CA5B: variants seen among roughly 807,000 people sequenced by gnomAD.
CA5B encodes carbonic anhydrase 5B, mitochondrial.
A neutral mutation model predicts 23.1 loss-of-function variants in CA5B; 15 were observed. The ratio of observed to expected loss-of-function variants is 0.65; its 90% CI spans 0.43 to 1.00. CA5B has a LOEUF of 1.00. Among genes scored for constraint, CA5B ranks in the 50% least tolerant of loss-of-function variants. CA5B has a pLI of 0.00. For synonymous variants in CA5B, 84 were observed against 98.5 expected (o/e 0.85, Z 0.87); for missense variants, 236 against 252.2 (o/e 0.94, Z 0.43).
intron 2 of CA5B, among the ~76,000 whole-genome samples, chrX:15,760,312 T>A (rs757887924): frequency 9.0e-6 from 1 of 110,886 alleles, no homozygotes; most frequent in Non-Finnish European, 1.9e-5. Context: ...AACAAACCCT[T>A]GGCAAAAAAT....
chrX:15,751,223 T>G (rs1418900661), intron 2 of CA5B, among the ~76,000 whole-genome samples: 2 of 112,447 alleles, frequency 1.8e-5, no homozygotes, highest in Non-Finnish European at 3.8e-5. Flanking sequence ...TCCCCTTTAG[T>G]GTTTATTTTC....
rs1375026024 is a variant in CA5B, at chrX:15,774,236, G to A, written c.460-66G>A. 2.8e-4 allele frequency: 302 copies of A among 1,075,346 alleles called. 2 individuals are homozygous for A. Among genetic ancestry groups the A allele is most frequent in the Non-Finnish European group, 2.0e-5 (16 of 798,731 alleles). The allele number at this position is 1,075,346 out of a possible 1,213,427, so 88.6% of individuals were successfully genotyped here. A position where few individuals can be genotyped will look rare whatever the true frequency, so the allele number is the denominator to read the frequency against. ...GTTTAAATGTCATAGGTTGACTGAG[G>A]CTGTGGGTTTATTCTGGAGAGATTC... On this transcript the variant is annotated intron_variant, in intron 4 of 7. Transcript: ENST00000318636.
chrX:15,768,798 A>T (rs1222645486), intron 3 of CA5B: 2 of 112,436 alleles, frequency 1.8e-5, no homozygotes, highest in African/African-American at 6.5e-5. Context: ...GCAAGAAACA[A>T]TTCTAGAAAA....
intron 3 of CA5B, among the ~76,000 whole-genome samples, chrX:15,772,081 T>C (rs1276859577): frequency 8.9e-6 from 1 of 112,143 alleles, no homozygotes; most frequent in East Asian, 2.8e-4. Context: ...AAAGCAACAC[T>C]AGTATCTTCA....
At chrX:15,745,182 A>AG (rs1931202821) in intron 1 of CA5B, among the ~76,000 whole-genome samples, 5 of 103,328 alleles carry the variant, frequency 4.8e-5, no homozygotes, top group Admixed American at 2.1e-4. Context: ...AAAAAAAAAA[A>AG]AAAAAGAAAA....
At position 15,775,258 on chromosome X, in the gene CA5B, C is replaced by T; in HGVS notation, c.568C>T (p.His190Tyr). Residue 190 changes from histidine to tyrosine, a missense_variant, in exon 6 of 8, where the codon CAT (histidine) becomes TAT (tyrosine). By Grantham distance (83) the His-to-Tyr change is moderately conservative. Around this residue, in one of 3 missense-constraint regions of CA5B, gnomAD observed 170 missense variants for 162.0 expected, o/e 1.05. Transcript: ENST00000318636. The part of the protein sequence containing the change: ...IGVFLKLGKH[H>Y]KELQKLVDTL... ...TGTTGTTCTTTAGCTAGGCAAACAT[C>T]ATAAGGAGCTACAGAAATTAGTGGA... The T allele has an allele frequency of 8.4e-7, 1 of 1,196,010 alleles. No individual in the cohort carries two copies. Among genetic ancestry groups the T allele is most frequent in the South Asian group, 1.8e-5 (1 of 54,814 alleles).
At chrX:15,740,123 C>T (rs5934273) in intron 1 of CA5B, among the ~76,000 whole-genome samples, 39,849 of 110,441 alleles carry the variant, frequency 0.36, 5,286 homozygotes, top group East Asian at 0.45. Flanking sequence ...GTCTGGAAAA[C>T]AGCTAAGGGG....
chrX:15,769,633 T>G (rs1397172349), intron 3 of CA5B: 1 of 735,947 alleles, frequency 1.4e-6, no homozygotes, highest in Admixed American at 8.8e-5. Context: ...ATTTAAGTTC[T>G]CCTTCCCTGT....
Position 15,744,594 on chromosome X carries a change from A to G in CA5B, c.-53-5377A>G, listed in dbSNP as rs760079686. Reference sequence around the variant, plus strand: ...AGGCCTTTTCCACTTGTTTGCCCACATCCCCCTGATACTGGAATTGTTTAT... The same window carrying G: ...AGGCCTTTTCCACTTGTTTGCCCACGTCCCCCTGATACTGGAATTGTTTAT... On this transcript the variant is annotated intron_variant, in intron 1 of 7. Coordinates refer to ENST00000318636, the MANE Select transcript of CA5B (RefSeq NM_007220.4). Among the ~76,000 whole-genome samples, 95 of 111,950 alleles carry G rather than the reference A, an allele frequency of 8.5e-4. 3 individuals carry two copies. Among genetic ancestry groups the G allele is most frequent in the Non-Finnish European group, 2.4e-4 (13 of 53,215 alleles).
intron 3 of CA5B, chrX:15,765,318 A>C: frequency 5.5e-6 from 2 of 362,823 alleles, no homozygotes; most frequent in South Asian, 2.8e-4. Flanking sequence ...CTAGTTTAAA[A>C]GAAACACAAT....
chrX:15,760,000 T>C (rs111913826), intron 2 of CA5B, among the ~76,000 whole-genome samples: 3 of 109,911 alleles, frequency 2.7e-5, no homozygotes, highest in African/African-American at 9.9e-5. Flanking sequence ...GTGATCTGCC[T>C]GCCTCGGCCT....
At chrX:15,747,376 G>A (rs1023389113) in intron 1 of CA5B, among the ~76,000 whole-genome samples, 2 of 111,139 alleles carry the variant, frequency 1.8e-5, no homozygotes, top group Admixed American at 1.9e-4. Context: ...GGAATGGGTG[G>A]AGGTGGCTAG....
At chrX:15,774,857 T>C (rs1483862106) in intron 5 of CA5B, among the ~76,000 whole-genome samples, 2 of 111,877 alleles carry the variant, frequency 1.8e-5, no homozygotes, top group Non-Finnish European at 3.8e-5. Flanking sequence ...CAAAAAAATA[T>C]ATATATTTTA....
rs142520319 is a variant in CA5B, at chrX:15,754,765, G to T, written c.142+4600G>T. 5.9e-3 allele frequency among the ~76,000 whole-genome samples: 666 copies of T among 112,095 alleles called. 11 individuals carry two copies. Among genetic ancestry groups the T allele is most frequent in the African/African-American group, 0.021 (651 of 30,870 alleles). ...AAAGAATATCAGGTAAAATGGAAAT[G>T]ATACTGATTTGTTATTCCAATGATT... On this transcript the variant is annotated intron_variant, in intron 2 of 7. Coordinates refer to ENST00000318636, the MANE Select transcript of CA5B (RefSeq NM_007220.4).
At chrX:15,750,254 G>A (rs748223781) in intron 2 of CA5B, 89 bp downstream of exon 2, 7 of 758,825 alleles carry the variant, frequency 9.2e-6, no homozygotes, top group Middle Eastern at 3.4e-4. Flanking sequence ...AAAGAGAAAA[G>A]AAAAGAGGGA....
chrX:15,769,610 T>C (rs747340853), intron 3 of CA5B: 7 of 751,021 alleles, frequency 9.3e-6, no homozygotes, highest in Non-Finnish European at 1.1e-5. Flanking sequence ...CTAGTAAGAA[T>C]GCTTTCACAA....
At chrX:15,768,292 G>A (rs1931752974) in intron 3 of CA5B, among the ~76,000 whole-genome samples, 1 of 111,064 alleles carries the variant, frequency 9.0e-6, no homozygotes, top group Non-Finnish European at 1.9e-5. Context: ...ATAGGTATGA[G>A]CCACCGAGCC....
intron 1 of CA5B, among the ~76,000 whole-genome samples, chrX:15,739,144 A>G (rs957946422): frequency 8.9e-6 from 1 of 112,040 alleles, no homozygotes; most frequent in African/African-American, 3.2e-5. Flanking sequence ...TTCGCTGGGA[A>G]AGTTTGAGAG....
At chrX:15,761,781 T>C (rs1253061288) in intron 2 of CA5B, among the ~76,000 whole-genome samples, 1 of 111,086 alleles carries the variant, frequency 9.0e-6, no homozygotes, top group East Asian at 2.8e-4. Context: ...CTCTAACCAC[T>C]AGATGTCACT....
Sources: allele counts gnomAD v4.1 joint callset (sites outside exome capture counted in the v4.1 genomes callset), GRCh38; gene constraint gnomAD v4.1.1; regional missense constraint gnomAD v4.1.1; transcripts MANE v1.5; gene names NCBI Gene and HGNC (gene_info 2026-07-23, HGNC 2026-07-21).